The following MEGF6 variants were observed in gnomAD, a reference collection of about 807,000 sequenced individuals.
The protein encoded by MEGF6 is multiple EGF like domains 6, also known as multiple epidermal growth factor-like domains protein 6.
A neutral mutation model predicts 207.1 loss-of-function variants in MEGF6; 184 were observed. The ratio of observed to expected loss-of-function variants is 0.89; its 90% CI spans 0.79 to 1.00. The LOEUF is 1.00. MEGF6 is among the 50% of genes least tolerant of loss of function. MEGF6 has a pLI of 0.00. For synonymous variants in MEGF6, 1,038 were observed against 910.0 expected, an observed-to-expected ratio of 1.14 and a Z score of -2.53; for missense variants, 2,282 against 2,202.9, an observed-to-expected ratio of 1.04 and a Z score of -0.72.
At chr1:3,490,764 T>G in intron 36 of MEGF6, 148 bp downstream of exon 36, 1 of 1,235,306 alleles carries the variant, frequency 8.1e-7, no homozygotes, top group Non-Finnish European at 1.1e-6. Flanking sequence ...GGCCCCAGCC[T>G]TGGTCTCTGA....
At chr1:3,589,744 C>T (rs947171077) in intron 3 of MEGF6, among the ~76,000 whole-genome samples, 4 of 152,322 alleles carry the variant, frequency 2.6e-5, no homozygotes, top group East Asian at 1.9e-4. Flanking sequence ...TCAAGTGGAT[C>T]GCCTGCATCG....
Position 3,497,304 on chromosome 1 carries a change from C to A in MEGF6, c.3410G>T (p.Gly1137Val). The A allele has an allele frequency of 6.5e-7, 1 of 1,549,428 alleles. No individual in the cohort carries two copies. The highest frequency in any genetic ancestry group is 8.7e-7 in the Non-Finnish European group (1 of 1,151,908). The change falls in exon 27 of 37, where the codon GGC becomes GTC. Residue 1137 changes from glycine (G) to valine (V), a missense_variant. Physicochemically the swap from Gly to Val is moderately radical, Grantham distance 109. Coordinates refer to ENST00000356575, the MANE Select transcript of MEGF6 (RefSeq NM_001409.4). Reference protein sequence around the residue: ...ACAQRCSCPPGAACHHVTGAC... With the variant: ...ACAQRCSCPPVAACHHVTGAC... ...CCCAGTGACGTGGTGGCAGGCAGCG[C>A]CAGGCGGGCAGCTGCAGCGCTGGGC... is the stretch of plus-strand genomic sequence containing the variant.
chr1:3,610,996 C>T, intron 1 of MEGF6, 142 bp downstream of exon 1: 1 of 1,147,930 alleles, frequency 8.7e-7, no homozygotes, highest in Non-Finnish European at 1.1e-6. Context: ...TGTGTCTCAG[C>T]CACCTCCTCC....
In MEGF6 at chr1:3,547,086, C is replaced by T. The variant is rs573140271; in HGVS notation, c.482-22840G>A. The T allele has an allele frequency of 1.2e-3, 194 of 156,530 alleles. 3 individuals are homozygous for T. The highest frequency in any genetic ancestry group is 1.8e-3 in the Non-Finnish European group (129 of 70,670). The allele number at this position is 156,530 out of a possible 1,614,324, so 9.7% of individuals were successfully genotyped here. A position where few individuals can be genotyped will look rare whatever the true frequency, so the allele number is the denominator to read the frequency against. On this transcript the variant is annotated intron_variant, in intron 4 of 36. Transcript: ENST00000356575. ...CCCCCACGGTGTCCCGGCACCGACC[C>T]GCACAGCCCCCGTTGGCGTTGGCAC...
At chr1:3,534,441 C>T (rs12119711) in intron 4 of MEGF6, among the ~76,000 whole-genome samples, 48,197 of 152,086 alleles carry the variant, frequency 0.32, 7,950 homozygotes, top group Non-Finnish European at 0.36. Flanking sequence ...GTTGGACAGC[C>T]CCAGCTTTGC....
chr1:3,525,139 G>C (rs957263151), intron 4 of MEGF6, among the ~76,000 whole-genome samples: 1 of 152,142 alleles, frequency 6.6e-6, no homozygotes, highest in East Asian at 1.9e-4. Flanking sequence ...CAGGCTCCCC[G>C]TGCAAGGACC....
At chr1:3,567,033 C>G (rs1643360780) in intron 4 of MEGF6, among the ~76,000 whole-genome samples, 1 of 152,242 alleles carries the variant, frequency 6.6e-6, no homozygotes, top group Admixed American at 6.5e-5. Context: ...CCCAAACCCA[C>G]CAGGGCCCCA....
At chr1:3,492,563 G>A (rs999750093) in intron 35 of MEGF6, 76 bp downstream of exon 35, 1 of 1,577,624 alleles carries the variant, frequency 6.3e-7, no homozygotes, top group African/African-American at 1.3e-5. Flanking sequence ...GTGAGAGAGG[G>A]ATCCTCTGCC....
intron 4 of MEGF6, among the ~76,000 whole-genome samples, chr1:3,548,574 C>A (rs1183356162): frequency 6.6e-6 from 1 of 152,228 alleles, no homozygotes; most frequent in African/African-American, 2.4e-5. Flanking sequence ...ACTGCCCTGG[C>A]AGGCAAGCAG....
chr1:3,494,565 G>C, intron 31 of MEGF6, 48 bp downstream of exon 31: 1 of 1,560,890 alleles, frequency 6.4e-7, no homozygotes. Flanking sequence ...GCAGCCCAGG[G>C]CACCTCCCTG....
intron 4 of MEGF6, chr1:3,530,965 C>T (rs1437507555): frequency 1.5e-6 from 2 of 1,332,656 alleles, no homozygotes; most frequent in African/African-American, 3.1e-5. Context: ...CCGCCCTGCT[C>T]CCTCCAGCCT....
rs1641316413 is a variant in MEGF6 at position 3,510,841 on chromosome 1, C to A, written c.1176G>T (p.Gly392=). 1 of 1,611,028 alleles carries A rather than the reference C, an allele frequency of 6.2e-7. No homozygotes were observed. The part of the protein sequence containing the change: ...CQQVCTNNPG[G]YECGCYAGYR... ...AGCCGGCGTAGCAGCCGCACTCGTA[C>A]CCGCCAGGGTTGTTGGTGCACACCT... Residue 392 remains glycine, a synonymous_variant, in exon 10 of 37, where the codon GGG becomes GGT. Transcript: ENST00000356575.
chr1:3,500,993 C>T lies in MEGF6; in HGVS notation c.2548G>A (p.Gly850Arg), dbSNP rs763512376. ...PATGHCSCAP[G>R]WTGFSCQRAC... is the part of the protein sequence containing the mutation. Reference sequence around the variant, plus strand: ...CTCTGGCAGCTAAAGCCGGTCCACCCGGGGGCACAGCTGCAGTGTCCGGTG... The same window carrying T: ...CTCTGGCAGCTAAAGCCGGTCCACCTGGGGGCACAGCTGCAGTGTCCGGTG... The change falls in exon 20 of 37, where the codon GGG becomes AGG. Residue 850 changes from glycine (G) to arginine (R), a missense_variant. Physicochemically the swap from Gly to Arg is moderately radical, Grantham distance 125. Transcript: ENST00000356575. 1.6e-5 allele frequency: 25 copies of T among 1,612,084 alleles called. No individual in the cohort carries two copies. Among genetic ancestry groups the T allele is most frequent in the Middle Eastern group, 1.8e-4 (1 of 5,620 alleles).
intron 21 of MEGF6, 51 bp from the exon 22 acceptor site, chr1:3,499,975 C>T (rs1451216446): frequency 2.0e-6 from 3 of 1,503,760 alleles, no homozygotes; most frequent in South Asian, 2.6e-5. Context: ...AGGAGCCTGA[C>T]CCAGCCGTGC....
chr1:3,559,454 T>C (rs1443886367), intron 4 of MEGF6, among the ~76,000 whole-genome samples: 1 of 147,336 alleles, frequency 6.8e-6, no homozygotes, highest in Non-Finnish European at 1.5e-5. Flanking sequence ...CCCAGGAGTT[T>C]GAGGCTGCAG....
At chr1:3,557,133 T>C (rs1048156646) in intron 4 of MEGF6, among the ~76,000 whole-genome samples, 11 of 151,838 alleles carry the variant, frequency 7.2e-5, no homozygotes, top group Admixed American at 7.2e-4. Context: ...CCCCAAAAGC[T>C]GGAAAAGGCA....
At chr1:3,531,838 G>A (rs940848621) in intron 4 of MEGF6, among the ~76,000 whole-genome samples, 3 of 152,188 alleles carry the variant, frequency 2.0e-5, no homozygotes, top group Non-Finnish European at 4.4e-5. Flanking sequence ...GCCGCGGGGC[G>A]GGGGAGGGGG....
intron 15 of MEGF6, 139 bp downstream of exon 15, chr1:3,505,969 C>T (rs547634585): frequency 8.3e-7 from 1 of 1,209,558 alleles, no homozygotes; most frequent in Admixed American, 2.7e-5. Flanking sequence ...CATGGCGGAC[C>T]CCAGACCTAC....
chr1:3,562,731 G>C (rs866671954), intron 4 of MEGF6, among the ~76,000 whole-genome samples: 1 of 152,298 alleles, frequency 6.6e-6, no homozygotes, highest in Middle Eastern at 3.4e-3. Context: ...ACATCTCTCC[G>C]GTCTGAAACC....
Sources: allele counts gnomAD v4.1 joint callset (sites outside exome capture counted in the v4.1 genomes callset), GRCh38; gene constraint gnomAD v4.1.1; transcripts MANE v1.5; gene names NCBI Gene and HGNC (gene_info 2026-07-23, HGNC 2026-07-21).